Variants in CDC42EP2 observed in about 807,000 individuals in gnomAD.
CDC42EP2 encodes CDC42 effector protein 2.
A neutral mutation model predicts 7.3 loss-of-function variants in CDC42EP2; 5 were observed. The ratio of observed to expected loss-of-function variants is 0.68; its 90% confidence interval spans 0.36 to 1.44. The LOEUF (loss-of-function observed/expected upper bound fraction) is 1.44. Ranked by LOEUF, CDC42EP2 falls within the 40% of genes most tolerant of loss-of-function variation. CDC42EP2 has a pLI of 0.04. For missense variants in CDC42EP2, 251 were observed against 282.6 expected, an observed-to-expected ratio of 0.89 and a Z score of 0.80; for synonymous variants, 113 against 123.6, an observed-to-expected ratio of 0.91 and a Z score of 0.57.
At chr11:65,320,160 A>G (rs1353250322) in intron 1 of CDC42EP2, among the ~76,000 whole-genome samples, 1 of 152,110 alleles carries the variant, frequency 6.6e-6, no homozygotes, top group Admixed American at 6.5e-5. Flanking sequence ...GGCTACCACA[A>G]GAGGCCCAGA....
intron 1 of CDC42EP2, among the ~76,000 whole-genome samples, chr11:65,320,062 A>C (rs630055): frequency 0.22 from 33,000 of 152,098 alleles, 4,955 homozygotes; most frequent in African/African-American, 0.42. Flanking sequence ...TGGTGAGTCT[A>C]TAAGATGCAG....
chr11:65,321,426 T>A lies in CDC42EP2; in HGVS notation c.528T>A (p.Asn176Lys). ...GGGCCGAGGAGCCCTTCCTGTCCAA[T>A]GCCAGCTCCCTGCTGTCCCTGCACG... is the stretch of plus-strand genomic sequence containing the variant. The part of the protein sequence containing the change: ...ESGAEEPFLS[N>K]ASSLLSLHVD... Residue 176 changes from asparagine to lysine, a missense_variant, in exon 2 of 2, where the codon AAT becomes AAA. Coordinates refer to ENST00000279249, the MANE Select transcript of CDC42EP2 (RefSeq NM_006779.4). This position sits in a 1 kb window ranked among gnomAD's most constrained non-coding sequence, Gnocchi z 4.4. The A allele has an allele frequency of 6.2e-7, 1 of 1,613,700 alleles. No homozygotes were observed.
In CDC42EP2 at chr11:65,320,817, C is replaced by A; in HGVS notation, c.-82C>A. The A allele has an allele frequency of 1.4e-6, 2 of 1,448,038 alleles. No individual in the cohort carries two copies. Among genetic ancestry groups the A allele is most frequent in the Non-Finnish European group, 9.3e-7 (1 of 1,070,490 alleles). The allele number at this position is 1,448,038 out of a possible 1,614,324, so 89.7% of individuals were successfully genotyped here. On this transcript the variant is annotated 5_prime_UTR_variant, in exon 2 of 2. Transcript: ENST00000279249. ...AAACCACCCCGTGGAACGAGTGTTT[C>A]CTCTGGCTGAGGGTTGGAGAGGAGG...
intron 1 of CDC42EP2, among the ~76,000 whole-genome samples, chr11:65,318,504 A>G (rs1227515186): frequency 1.3e-5 from 2 of 150,472 alleles, no homozygotes; most frequent in Non-Finnish European, 3.0e-5. Flanking sequence ...GCTCACTGCA[A>G]GCTCTGCCTC....
At chr11:65,319,503 C>T (rs916790178) in intron 1 of CDC42EP2, among the ~76,000 whole-genome samples, 10 of 152,082 alleles carry the variant, frequency 6.6e-5, no homozygotes, top group African/African-American at 2.2e-4. Context: ...CTGCAAAGAG[C>T]GCAGAAGAAT....
Position 65,321,821 on chromosome 11 carries a change from C to A in CDC42EP2, c.*290C>A. The stretch of plus-strand genomic sequence containing the variant: ...ACAATACTCCTTCTTCCTTCAGGTC[C>A]CTGGGTGAAGGCTTTGCTGAAACCG... On this transcript the variant is annotated 3_prime_UTR_variant, in exon 2 of 2. Coordinates refer to ENST00000279249, the MANE Select transcript of CDC42EP2 (RefSeq NM_006779.4). The surrounding 1 kb of genome is among the most constrained non-coding windows in gnomAD (Gnocchi z 4.4). The A allele has an allele frequency of 2.9e-6, 1 of 348,660 alleles. No individual in the cohort carries two copies. Among genetic ancestry groups the A allele is most frequent in the Non-Finnish European group, 5.6e-6 (1 of 179,844 alleles). 21.6% of individuals were successfully genotyped at this position (348,660 alleles called of 1,614,324 possible). A position where few individuals can be genotyped will look rare whatever the true frequency, so the allele number is the denominator to read the frequency against.
At position 65,320,706 on chromosome 11, in the gene CDC42EP2, C is replaced by G. The variant is rs756426916; in HGVS notation, c.-193C>G. ...ATCTCAGCCCACTGACTTCATTGAT[C>G]TCTAATCTTTTTTAATTCCTTGGGC... On this transcript the variant is annotated 5_prime_UTR_variant, in exon 2 of 2. The change creates a new upstream start codon in the 5' untranslated region. Transcript: ENST00000279249. The G allele has an allele frequency of 5.1e-6, 3 of 588,346 alleles. No individual in the cohort carries two copies. The highest frequency in any genetic ancestry group is 9.0e-6 in the Non-Finnish European group (3 of 332,690). 36.4% of individuals were successfully genotyped at this position (588,346 alleles called of 1,614,324 possible). A position where few individuals can be genotyped will look rare whatever the true frequency, so the allele number is the denominator to read the frequency against.
At chr11:65,316,531 C>A (rs1241516608) in intron 1 of CDC42EP2, among the ~76,000 whole-genome samples, 1 of 152,174 alleles carries the variant, frequency 6.6e-6, no homozygotes, top group African/African-American at 2.4e-5. Context: ...TGGAAGTAGG[C>A]GTGGCCCACT....
At chr11:65,320,215 C>T (rs902463264) in intron 1 of CDC42EP2, among the ~76,000 whole-genome samples, 1 of 152,054 alleles carries the variant, frequency 6.6e-6, no homozygotes, top group African/African-American at 2.4e-5. Context: ...ACCTGTGATC[C>T]CAGCATTTTG....
At position 65,321,411 on chromosome 11, in the gene CDC42EP2, G is replaced by A. The variant is rs138383051; in HGVS notation, c.513G>A (p.Glu171=). ...TGACCCCGGAGTCAGGGGCCGAGGA[G>A]CCCTTCCTGTCCAATGCCAGCTCCC... The part of the protein sequence containing the change: ...SGLTPESGAE[E]PFLSNASSLL... The change falls in exon 2 of 2, where the codon GAG becomes GAA. Residue 171 remains glutamate, a synonymous_variant. Coordinates refer to ENST00000279249, the MANE Select transcript of CDC42EP2 (RefSeq NM_006779.4). This position sits in a 1 kb window ranked among gnomAD's most constrained non-coding sequence, Gnocchi z 4.4. 8.7e-6 allele frequency: 14 copies of A among 1,613,522 alleles called. No individual in the cohort carries two copies. The highest frequency in any genetic ancestry group is 1.3e-5 in the African/African-American group (1 of 74,906).
At position 65,321,657 on chromosome 11, in the gene CDC42EP2, C is replaced by T. The variant is rs4149841; in HGVS notation, c.*126C>T. 7.6e-3 allele frequency: 6,746 copies of T among 881,932 alleles called. 40 individuals are homozygous for T. The highest frequency in any genetic ancestry group is 0.01 in the Non-Finnish European group (5,873 of 569,446). 54.6% of individuals were successfully genotyped at this position (881,932 alleles called of 1,614,324 possible). ...TGTATGGTCGCTGGCCAGTGATTCTCCTTCTGAGCCGTGTTTCCCCTCTCC... is the reference window on the plus strand; with the variant it reads ...TGTATGGTCGCTGGCCAGTGATTCTTCTTCTGAGCCGTGTTTCCCCTCTCC... On this transcript the variant is annotated 3_prime_UTR_variant, in exon 2 of 2. Transcript: ENST00000279249. This position sits in a 1 kb window ranked among gnomAD's most constrained non-coding sequence, Gnocchi z 4.4.
chr11:65,317,299 G>C (rs926203462), intron 1 of CDC42EP2: 1 of 152,334 alleles, frequency 6.6e-6, no homozygotes, highest in African/African-American at 2.4e-5. Flanking sequence ...CGGTCCTGGG[G>C]TGGGGTTTCC....
Position 65,321,282 on chromosome 11 carries a change from C to A in CDC42EP2, c.384C>A (p.Pro128=). 1 of 1,614,002 alleles carries A rather than the reference C, an allele frequency of 6.2e-7. No homozygotes were observed. ...ALTLPTAQAP[P]KPPRLHLETP... is the part of the protein sequence containing the mutation. ...CCCTGCCCACAGCCCAGGCTCCACCCAAGCCCCCTCGCCTGCACCTGGAGA... is the reference window on the plus strand; with the variant it reads ...CCCTGCCCACAGCCCAGGCTCCACCAAAGCCCCCTCGCCTGCACCTGGAGA... Residue 128 remains proline, a synonymous_variant, in exon 2 of 2, where the codon CCC becomes CCA. Coordinates refer to ENST00000279249, the MANE Select transcript of CDC42EP2 (RefSeq NM_006779.4). The surrounding 1 kb of genome is among the most constrained non-coding windows in gnomAD (Gnocchi z 4.4).
In CDC42EP2 at chr11:65,321,250, G is replaced by T; in HGVS notation, c.352G>T (p.Ala118Ser). 6.2e-7 allele frequency: 1 copy of T among 1,613,864 alleles called. No individual in the cohort carries two copies. Among genetic ancestry groups the T allele is most frequent in the Non-Finnish European group, 8.5e-7 (1 of 1,180,000 alleles). Residue 118 changes from alanine (A) to serine (S), a missense_variant, in exon 2 of 2, where the codon GCT becomes TCT. By Grantham distance (99) the Ala-to-Ser change is moderately conservative. Transcript: ENST00000279249. The surrounding 1 kb of genome is among the most constrained non-coding windows in gnomAD (Gnocchi z 4.4). Reference protein sequence around the residue: ...ISLPVIGGPQALTLPTAQAPP... With the variant: ...ISLPVIGGPQSLTLPTAQAPP... The stretch of plus-strand genomic sequence containing the variant: ...CCTCCCGGTTATCGGTGGACCCCAG[G>T]CTCTCACCCTGCCCACAGCCCAGGC...
rs766538107 is a variant in CDC42EP2, at chr11:65,321,282, C to G, written c.384C>G (p.Pro128=). ...CCCTGCCCACAGCCCAGGCTCCACC[C>G]AAGCCCCCTCGCCTGCACCTGGAGA... The part of the protein sequence containing the change: ...ALTLPTAQAP[P]KPPRLHLETP... The change falls in exon 2 of 2, where the codon CCC becomes CCG. Residue 128 remains proline, a synonymous_variant. Transcript: ENST00000279249. This position sits in a 1 kb window ranked among gnomAD's most constrained non-coding sequence, Gnocchi z 4.4. The G allele has an allele frequency of 1.2e-6, 2 of 1,614,002 alleles. No homozygotes were observed. The highest frequency in any genetic ancestry group is 1.7e-6 in the Non-Finnish European group (2 of 1,180,018).
At position 65,321,793 on chromosome 11, in the gene CDC42EP2, A is replaced by G. The variant is rs574834774; in HGVS notation, c.*262A>G. 7 of 438,924 alleles carry G rather than the reference A, an allele frequency of 1.6e-5. No individual in the cohort carries two copies. Among genetic ancestry groups the G allele is most frequent in the African/African-American group, 1.4e-4 (7 of 51,070 alleles). 27.2% of individuals were successfully genotyped at this position (438,924 alleles called of 1,614,324 possible). On this transcript the variant is annotated 3_prime_UTR_variant, in exon 2 of 2. Coordinates refer to ENST00000279249, the MANE Select transcript of CDC42EP2 (RefSeq NM_006779.4). The surrounding 1 kb of genome is among the most constrained non-coding windows in gnomAD (Gnocchi z 4.4). ...GAGCATCTTGGGGCACCTGGACCCC[A>G]TCACAATACTCCTTCTTCCTTCAGG...
Position 65,320,839 on chromosome 11 carries a change from G to C in CDC42EP2, c.-60G>C. 5 of 1,523,996 alleles carry C rather than the reference G, an allele frequency of 3.3e-6. No individual in the cohort carries two copies. The highest frequency in any genetic ancestry group is 2.3e-5 in the East Asian group (1 of 43,686). The allele number at this position is 1,523,996 out of a possible 1,614,324, so 94.4% of individuals were successfully genotyped here. The stretch of plus-strand genomic sequence containing the variant: ...TTTCCTCTGGCTGAGGGTTGGAGAG[G>C]AGGTGTGGTCTCAGCAGGCGGCCCG... On this transcript the variant is annotated 5_prime_UTR_variant, in exon 2 of 2. Transcript: ENST00000279249.
At chr11:65,320,187 C>T (rs1254684333) in intron 1 of CDC42EP2, among the ~76,000 whole-genome samples, 3 of 152,086 alleles carry the variant, frequency 2.0e-5, no homozygotes, top group Non-Finnish European at 4.4e-5. Flanking sequence ...ATGTTTCTGG[C>T]CAGGCACGGT....
chr11:65,321,189 G>A lies in CDC42EP2; in HGVS notation c.291G>A (p.Pro97=), dbSNP rs372439763. The change falls in exon 2 of 2, where the codon CCG becomes CCA. Residue 97 remains proline, a synonymous_variant. Transcript: ENST00000279249. This position sits in a 1 kb window ranked among gnomAD's most constrained non-coding sequence, Gnocchi z 4.4. The part of the protein sequence containing the change: ...RTATVCGREL[P]DGPSPLLKNA... ...CCACCGTGTGTGGGCGGGAGCTCCC[G>A]GACGGCCCATCCCCTCTGCTCAAGA... is the stretch of plus-strand genomic sequence containing the variant. The A allele has an allele frequency of 1.8e-5, 29 of 1,614,004 alleles. No homozygotes were observed. The highest frequency in any genetic ancestry group is 1.6e-4 in the Middle Eastern group (1 of 6,062).
Sources: allele counts gnomAD v4.1 joint callset (sites outside exome capture counted in the v4.1 genomes callset), GRCh38; gene constraint gnomAD v4.1.1; non-coding constraint Gnocchi (gnomAD v3.1); transcripts MANE v1.5; gene names NCBI Gene and HGNC (gene_info 2026-07-23, HGNC 2026-07-21).